GSDME: variants seen among roughly 807,000 people sequenced by gnomAD.
GSDME encodes the protein gasdermin E.
In GSDME, 44 loss-of-function variants were observed where a neutral mutation model predicts 47.5. That is an observed-to-expected ratio of 0.93 (90% CI 0.73 to 1.19). GSDME has a LOEUF of 1.19. Ranked by LOEUF, GSDME falls within the 50% of genes most tolerant of loss-of-function variation. The probability of loss-of-function intolerance (pLI) is 0.00; values close to 1 mark genes in which losing one functional copy is unlikely to be tolerated. For synonymous variants in GSDME, 258 were observed against 252.8 expected (o/e 1.02, Z -0.20); for missense variants, 663 against 604.2 (o/e 1.10, Z -1.02).
upstream of GSDME, among the ~76,000 whole-genome samples, chr7:24,762,348 T>C (rs1344351653): frequency 1.3e-5 from 2 of 152,098 alleles, no homozygotes. Context: ...GAAACATACG[T>C]TATTATCAGC....
rs139245159 is a variant in GSDME at position 24,718,798 on chromosome 7, C to CA, written c.576+248dup. 0.044 allele frequency among the ~76,000 whole-genome samples: 5,824 copies of CA among 133,854 alleles called. 155 individuals carry two copies. The highest frequency in any genetic ancestry group is 0.059 in the Non-Finnish European group (3,874 of 65,222). 87.8% of individuals were successfully genotyped at this position (133,854 alleles called of 152,430 possible). On this transcript the variant is annotated intron_variant, in intron 4 of 9. Transcript: ENST00000645220. Reference sequence around the variant, plus strand: ...AGGGAGAGCCCATCTGAGAGGGCATCAACCCAGGGAAAGCAGCTCCCTATA... The same window carrying CA: ...AGGGAGAGCCCATCTGAGAGGGCATCAAACCCAGGGAAAGCAGCTCCCTATA...
At chr7:24,771,075 C>CA in the GSDME span, among the ~76,000 whole-genome samples, 1 of 151,568 alleles carries the variant, frequency 6.6e-6, no homozygotes, top group Non-Finnish European at 1.5e-5. The surrounding 1 kb of genome is among the most constrained non-coding windows in gnomAD (Gnocchi z 4.1). Flanking sequence ...GGATAAATGA[C>CA]AAAAAAACTA....
chr7:24,793,247 A>C, the GSDME span, among the ~76,000 whole-genome samples: 1 of 152,206 alleles, frequency 6.6e-6, no homozygotes, highest in East Asian at 1.9e-4. Flanking sequence ...ACTCTCTTCA[A>C]CCTTTTATAA....
chr7:24,752,717 A>T (rs908457366), intron 1 of GSDME, among the ~76,000 whole-genome samples: 4 of 152,212 alleles, frequency 2.6e-5, no homozygotes, highest in African/African-American at 9.7e-5. Context: ...CTAGTCCAGG[A>T]AAAGAGCCAC....
chr7:24,762,884 T>C (rs189691061), upstream of GSDME, among the ~76,000 whole-genome samples: 30 of 152,290 alleles, frequency 2.0e-4, no homozygotes, highest in East Asian at 5.6e-3. Flanking sequence ...CCTCATTCCT[T>C]CAGGAATCAG....
chr7:24,705,822 T>C lies in GSDME; in HGVS notation c.1183+362A>G. On this transcript the variant is annotated intron_variant, in intron 8 of 9. Coordinates refer to ENST00000645220, the MANE Select transcript of GSDME (RefSeq NM_001127453.2). This position sits in a 1 kb window ranked among gnomAD's most constrained non-coding sequence, Gnocchi z 4.1. ...GGACTGAAATGCTGGAGGAGAGCAG[T>C]TGGCAAATGAAAGTTGCTGCCACTC... 1 of 372,206 alleles carries C rather than the reference T, an allele frequency of 2.7e-6. No homozygotes were observed. The highest frequency in any genetic ancestry group is 5.2e-6 in the Non-Finnish European group (1 of 193,882). The allele number at this position is 372,206 out of a possible 1,614,324, so 23.1% of individuals were successfully genotyped here. A position where few individuals can be genotyped will look rare whatever the true frequency, so the allele number is the denominator to read the frequency against.
At chr7:24,707,936 A>G in intron 7 of GSDME, 191 bp downstream of exon 7, 1 of 655,254 alleles carries the variant, frequency 1.5e-6, no homozygotes, top group Non-Finnish European at 2.6e-6. Context: ...GCCCTAGGAA[A>G]TTAACACCTC....
intron 6 of GSDME, among the ~76,000 whole-genome samples, chr7:24,709,568 C>A (rs1404998439): frequency 6.6e-6 from 1 of 152,150 alleles, no homozygotes; most frequent in Non-Finnish European, 1.5e-5. Flanking sequence ...GGAGCGGTTC[C>A]TAGCTCTTTG....
intron 5 of GSDME, among the ~76,000 whole-genome samples, chr7:24,711,815 C>CAA (rs35002301): frequency 0.2 from 19,157 of 96,730 alleles, 1,782 homozygotes; most frequent in East Asian, 0.4. Flanking sequence ...ACCTTGTCTC[C>CAA]AAAAAAAAAA....
chr7:24,712,146 T>A lies in GSDME; in HGVS notation c.698-1758A>T, dbSNP rs1377797181. Reference sequence around the variant, plus strand: ...GAAAAGAAAAAGAAGAATGGCTGTCTAAAGACAAAGGAAACGATCCCTGGG... The same window carrying A: ...GAAAAGAAAAAGAAGAATGGCTGTCAAAAGACAAAGGAAACGATCCCTGGG... On this transcript the variant is annotated intron_variant, in intron 5 of 9. Coordinates refer to ENST00000645220, the MANE Select transcript of GSDME (RefSeq NM_001127453.2). The surrounding 1 kb of genome is among the most constrained non-coding windows in gnomAD (Gnocchi z 4.4). 1.3e-5 allele frequency among the ~76,000 whole-genome samples: 2 copies of A among 152,208 alleles called. No individual in the cohort carries two copies. The highest frequency in any genetic ancestry group is 2.9e-5 in the Non-Finnish European group (2 of 68,032).
chr7:24,755,600 T>G (rs887215875), intron 1 of GSDME, among the ~76,000 whole-genome samples: 2 of 152,208 alleles, frequency 1.3e-5, no homozygotes, highest in African/African-American at 4.8e-5. Context: ...GAACTGACAG[T>G]GTGTTCCTGG....
chr7:24,775,636 G>A, the GSDME span, among the ~76,000 whole-genome samples: 1 of 152,194 alleles, frequency 6.6e-6, no homozygotes, highest in African/African-American at 2.4e-5. Flanking sequence ...GGAGGTGGGA[G>A]GCTGAAGCTG....
rs1790602304 is a variant in GSDME, at chr7:24,744,865, C to T, written c.212-111G>A. On this transcript the variant is annotated intron_variant, in intron 2 of 9. Transcript: ENST00000645220. This position sits in a 1 kb window ranked among gnomAD's most constrained non-coding sequence, Gnocchi z 4.5. ...AGAGCCCCGGAAAGCAGAAGGCTGG[C>T]ACTCAGATGGAAAGCCGGCAGCCAT... The T allele has an allele frequency of 1.7e-6, 2 of 1,195,850 alleles. No homozygotes were observed. Among genetic ancestry groups the T allele is most frequent in the Admixed American group, 1.9e-5 (1 of 51,758 alleles). The allele number at this position is 1,195,850 out of a possible 1,614,324, so 74.1% of individuals were successfully genotyped here. A position where few individuals can be genotyped will look rare whatever the true frequency, so the allele number is the denominator to read the frequency against.
chr7:24,788,332 G>T, the GSDME span, among the ~76,000 whole-genome samples: 8 of 152,282 alleles, frequency 5.3e-5, no homozygotes, highest in South Asian at 1.7e-3. The surrounding 1 kb of genome is among the most constrained non-coding windows in gnomAD (Gnocchi z 4.6). Flanking sequence ...CTTACTCTGG[G>T]CTGAATTTTT....
the GSDME span, among the ~76,000 whole-genome samples, chr7:24,783,880 C>T: frequency 6.6e-6 from 1 of 151,934 alleles, no homozygotes; most frequent in Non-Finnish European, 1.5e-5. Context: ...ATGGGTTGGG[C>T]GTGGGGAAGA....
At chr7:24,793,531 T>C in the GSDME span, among the ~76,000 whole-genome samples, 2 of 152,204 alleles carry the variant, frequency 1.3e-5, no homozygotes, top group African/African-American at 4.8e-5. Context: ...ACTTTGCATA[T>C]AAACTGTTCC....
At chr7:24,777,405 G>A in the GSDME span, among the ~76,000 whole-genome samples, 1 of 152,186 alleles carries the variant, frequency 6.6e-6, no homozygotes, top group Non-Finnish European at 1.5e-5. Context: ...TTTTGGAATC[G>A]AACCACTGGA....
At chr7:24,751,147 A>T (rs571080975) in intron 1 of GSDME, among the ~76,000 whole-genome samples, 5 of 152,328 alleles carry the variant, frequency 3.3e-5, no homozygotes, top group African/African-American at 4.8e-5. Flanking sequence ...CATATTTTTT[A>T]AAAACTTTCA....
the GSDME span, among the ~76,000 whole-genome samples, chr7:24,793,852 A>T: frequency 6.6e-6 from 1 of 151,210 alleles, no homozygotes; most frequent in African/African-American, 2.4e-5. Flanking sequence ...GGTTTCCTTT[A>T]AAAGTTATTT....
Sources: allele counts gnomAD v4.1 joint callset (sites outside exome capture counted in the v4.1 genomes callset), GRCh38; gene constraint gnomAD v4.1.1; non-coding constraint Gnocchi (gnomAD v3.1); transcripts MANE v1.5; gene names NCBI Gene and HGNC (gene_info 2026-07-23, HGNC 2026-07-21).